Variants in LRRC4C observed in about 807,000 individuals in gnomAD.
The protein encoded by LRRC4C is leucine-rich repeat-containing protein 4C.
Under a neutral mutation model 33.6 loss-of-function variants are expected in LRRC4C, and 5 were observed. The ratio of observed to expected loss-of-function variants is 0.15; its 90% CI spans 0.08 to 0.31. LRRC4C has a LOEUF of 0.31. Ranked by LOEUF, LRRC4C falls within the 10% of genes least tolerant of loss-of-function variation. The pLI is 1.00. For synonymous variants in LRRC4C, 329 were observed against 302.0 expected (o/e 1.09, Z -0.93); for missense variants, 560 against 796.7 (o/e 0.70, Z 3.58).
rs1345090814 is a variant in LRRC4C, at chr11:40,114,722, T to C, written c.1571A>G (p.Lys524Arg). Residue 524 changes from lysine to arginine, a missense_variant, in exon 7 of 7, where the codon AAG becomes AGG. Lys to Arg is a conservative substitution (Grantham distance 26, BLOSUM62 2). Transcript: ENST00000528697. ...ACACCCAATGATGATTTTGGTAGTC[T>C]TCATGACCTCATCAATTCCTGGGAT... ...SGIPGIDEVM[K>R]TTKIIIGCFV... The C allele has an allele frequency of 6.2e-7, 1 of 1,614,078 alleles. No individual in the cohort carries two copies. The highest frequency in any genetic ancestry group is 1.3e-5 in the African/African-American group (1 of 74,916).
intron 5 of LRRC4C, among the ~76,000 whole-genome samples, chr11:40,202,509 T>C (rs1157113521): frequency 6.6e-6 from 1 of 152,136 alleles, no homozygotes; most frequent in Non-Finnish European, 1.5e-5. Flanking sequence ...TTTCTGGGCC[T>C]TATTTTCCTT....
At chr11:40,324,216 C>T (rs895557126) in intron 3 of LRRC4C, among the ~76,000 whole-genome samples, 2 of 152,230 alleles carry the variant, frequency 1.3e-5, no homozygotes, top group African/African-American at 4.8e-5. Flanking sequence ...TCCTTAAAAT[C>T]ATGCAGATGC....
chr11:40,485,803 C>T (rs185013223), intron 3 of LRRC4C, among the ~76,000 whole-genome samples: 10 of 151,994 alleles, frequency 6.6e-5, no homozygotes, highest in South Asian at 2.1e-4. Context: ...ATATACACCA[C>T]GGAATACTGT....
At chr11:41,223,706 T>C (rs1012700818) in intron 1 of LRRC4C, among the ~76,000 whole-genome samples, 1 of 152,210 alleles carries the variant, frequency 6.6e-6, no homozygotes, top group Non-Finnish European at 1.5e-5. Flanking sequence ...AAGGCTGAGA[T>C]GGCAGATTAA....
intron 4 of LRRC4C, among the ~76,000 whole-genome samples, chr11:40,247,799 G>A (rs371309929): frequency 2.1e-4 from 32 of 152,196 alleles, no homozygotes; most frequent in African/African-American, 5.8e-4. Context: ...CTGAATTCTA[G>A]TTCTAGAAAA....
chr11:40,457,223 G>A (rs115536166), intron 3 of LRRC4C, among the ~76,000 whole-genome samples: 6,218 of 150,600 alleles, frequency 0.041, 413 homozygotes, highest in African/African-American at 0.14. Flanking sequence ...ATGAAGTAGA[G>A]AACAATTATA....
intron 3 of LRRC4C, among the ~76,000 whole-genome samples, chr11:40,371,706 T>C (rs1473619513): frequency 1.3e-5 from 2 of 152,186 alleles, no homozygotes; most frequent in African/African-American, 4.8e-5. Flanking sequence ...GTTTGATGGC[T>C]TCAGAGAGAT....
At chr11:40,581,632 G>A (rs151286449) in intron 3 of LRRC4C, among the ~76,000 whole-genome samples, 2 of 152,122 alleles carry the variant, frequency 1.3e-5, no homozygotes, top group African/African-American at 4.8e-5. Context: ...GGCCGGGAGC[G>A]GTGGCTCATG....
At chr11:41,437,779 T>A (rs2138492770) in intron 1 of LRRC4C, among the ~76,000 whole-genome samples, 1 of 152,344 alleles carries the variant, frequency 6.6e-6, no homozygotes, top group East Asian at 1.9e-4. Context: ...GGCTTACGCC[T>A]GTAATCCCAG....
intron 2 of LRRC4C, among the ~76,000 whole-genome samples, chr11:40,757,382 T>G (rs556873833): frequency 6.6e-6 from 1 of 152,230 alleles, no homozygotes; most frequent in East Asian, 1.9e-4. Flanking sequence ...TTTCCATCAG[T>G]ACCCATGGAT....
chr11:40,764,229 G>A (rs766965047), intron 2 of LRRC4C, among the ~76,000 whole-genome samples: 18 of 152,144 alleles, frequency 1.2e-4, no homozygotes, highest in Non-Finnish European at 2.4e-4. Context: ...GAAACCTGTT[G>A]CCTTGAAGGG....
intron 1 of LRRC4C, among the ~76,000 whole-genome samples, chr11:41,321,747 T>C (rs1565579706): frequency 6.6e-6 from 1 of 152,126 alleles, no homozygotes; most frequent in South Asian, 2.1e-4. Flanking sequence ...TAACTGGGAA[T>C]AGCATCAGAA....
At chr11:40,970,880 TG>T in intron 1 of LRRC4C, among the ~76,000 whole-genome samples, 1 of 152,320 alleles carries the variant, frequency 6.6e-6, no homozygotes, top group South Asian at 2.1e-4. Flanking sequence ...TAGAGATCTA[TG>T]GAAATTTGAA....
At chr11:40,914,581 A>T (rs1956857842) in intron 2 of LRRC4C, among the ~76,000 whole-genome samples, 1 of 152,206 alleles carries the variant, frequency 6.6e-6, no homozygotes. Flanking sequence ...ACAAACCCAC[A>T]GCCAATATCA....
Position 41,325,576 on chromosome 11 carries a change from TTTGTGTGTGTGTGTGTG to T in LRRC4C, c.-496+133838_-496+133854del, listed in dbSNP as rs1951088861. 9.2e-5 allele frequency among the ~76,000 whole-genome samples: 6 copies of T among 65,526 alleles called. No homozygotes were observed. In the South Asian group the frequency reaches 2.6e-3, roughly 29 times the overall value. 43.0% of individuals were successfully genotyped at this position (65,526 alleles called of 152,430 possible). On this transcript the variant is annotated intron_variant, in intron 1 of 6. Transcript: ENST00000528697. Reference sequence around the variant, plus strand: ...ATTATTGTCCTTATAGTTTTTTTTTTTTGTGTGTGTGTGTGTGTGTGTGTGTGTGTGTGTGTGTTAAA... The same window carrying T: ...ATTATTGTCCTTATAGTTTTTTTTTTTGTGTGTGTGTGTGTGTGTGTTAAA...
intron 3 of LRRC4C, among the ~76,000 whole-genome samples, chr11:40,381,897 G>A (rs1403770270): frequency 1.4e-5 from 2 of 146,828 alleles, no homozygotes; most frequent in Non-Finnish European, 3.0e-5. Flanking sequence ...ATTTTAGGGA[G>A]TAATAAAAGA....
intron 1 of LRRC4C, among the ~76,000 whole-genome samples, chr11:41,010,240 T>G (rs1308608145): frequency 1.3e-5 from 2 of 152,162 alleles, no homozygotes; most frequent in African/African-American, 2.4e-5. Flanking sequence ...CTCTAGGAAA[T>G]TAACACAATT....
chr11:41,335,575 C>A (rs1402339421), intron 1 of LRRC4C, among the ~76,000 whole-genome samples: 4 of 152,050 alleles, frequency 2.6e-5, no homozygotes, highest in Non-Finnish European at 5.9e-5. Context: ...GGCAGAAATT[C>A]TATATTTACA....
chr11:40,860,395 G>A (rs1161265509), intron 2 of LRRC4C, among the ~76,000 whole-genome samples: 5 of 6,672 alleles, frequency 7.5e-4, no homozygotes, highest in African/African-American at 9.0e-4. Context: ...GATGTCAGTG[G>A]AAACATGTTT....
Sources: allele counts gnomAD v4.1 joint callset (sites outside exome capture counted in the v4.1 genomes callset), GRCh38; gene constraint gnomAD v4.1.1; transcripts MANE v1.5; gene names NCBI Gene and HGNC (gene_info 2026-07-23, HGNC 2026-07-21).